Variants in ARHGAP42 observed in about 807,000 individuals in gnomAD.
ARHGAP42 encodes the protein rho GTPase-activating protein 42.
ARHGAP42 carries 63 observed loss-of-function variants against 125.0 expected under a neutral mutation model. That is an observed-to-expected ratio of 0.50 (90% CI 0.41 to 0.62). The LOEUF is 0.62. Among genes scored for constraint, ARHGAP42 ranks in the 20% least tolerant of loss-of-function variants. ARHGAP42 has a pLI of 0.00. For synonymous variants in ARHGAP42, 339 were observed against 351.0 expected (o/e 0.97, Z 0.38); for missense variants, 766 against 1,024.2 (o/e 0.75, Z 3.44).
intron 3 of ARHGAP42, among the ~76,000 whole-genome samples, chr11:100,855,696 A>G (rs192530561): frequency 3.2e-4 from 48 of 152,224 alleles, no homozygotes; most frequent in African/African-American, 1.1e-3. Flanking sequence ...TGAAATAGCA[A>G]AAGAAAGTGA....
At chr11:100,688,301 T>C (rs1861125542) in intron 1 of ARHGAP42, among the ~76,000 whole-genome samples, 1 of 152,188 alleles carries the variant, frequency 6.6e-6, no homozygotes, top group Non-Finnish European at 1.5e-5. Context: ...AGTCATTGAG[T>C]TGGCTTTTTA....
chr11:100,910,247 GA>G (rs1866872506), intron 4 of ARHGAP42, among the ~76,000 whole-genome samples: 1 of 152,046 alleles, frequency 6.6e-6, no homozygotes, highest in South Asian at 2.1e-4. Flanking sequence ...TATCTGCATA[GA>G]CATATAGTAA....
chr11:100,837,804 G>A (rs17095633), intron 3 of ARHGAP42, among the ~76,000 whole-genome samples: 14,887 of 149,564 alleles, frequency 0.1, 1,090 homozygotes, highest in African/African-American at 0.21. Flanking sequence ...GCAGCCAAGG[G>A]TCAGCAGTCA....
chr11:100,874,313 A>T (rs1288990951), intron 4 of ARHGAP42, among the ~76,000 whole-genome samples: 1 of 152,158 alleles, frequency 6.6e-6, no homozygotes, highest in Non-Finnish European at 1.5e-5. Context: ...AACACCTCCC[A>T]CTAGGCCCTG....
intron 1 of ARHGAP42, among the ~76,000 whole-genome samples, chr11:100,697,175 G>C (rs985837419): frequency 6.9e-6 from 1 of 144,076 alleles, no homozygotes; most frequent in African/African-American, 2.6e-5. Flanking sequence ...TTTTTTTGTT[G>C]TTTTGGTTTT....
intron 4 of ARHGAP42, among the ~76,000 whole-genome samples, chr11:100,876,566 A>G (rs1424617547): frequency 6.6e-6 from 1 of 152,226 alleles, no homozygotes; most frequent in Non-Finnish European, 1.5e-5. Flanking sequence ...TTTACTTTAT[A>G]CAAAATCAGC....
chr11:100,776,924 A>T (rs1163228092), intron 2 of ARHGAP42, among the ~76,000 whole-genome samples: 1 of 150,026 alleles, frequency 6.7e-6, no homozygotes, highest in Non-Finnish European at 1.5e-5. Context: ...TGGAGGTTGC[A>T]GTGAACTCAG....
At position 100,834,809 on chromosome 11, in the gene ARHGAP42, C is replaced by A. The variant is rs1010765865; in HGVS notation, c.313-24745C>A. On this transcript the variant is annotated intron_variant, in intron 3 of 23. Transcript: ENST00000298815. The stretch of plus-strand genomic sequence containing the variant: ...ATGAGGCCATAATCCATTATGGGGC[C>A]CCCTTCTGCTTTGGACAGGGAACTT... Among the ~76,000 whole-genome samples the A allele has an allele frequency of 6.7e-5, 10 of 149,356 alleles. No homozygotes were observed. In the South Asian group the frequency reaches 2.1e-3, roughly 32 times the overall value.
chr11:100,987,883 A>C (rs1334952214), intron 23 of ARHGAP42, among the ~76,000 whole-genome samples: 1 of 152,162 alleles, frequency 6.6e-6, no homozygotes, highest in Non-Finnish European at 1.5e-5. Flanking sequence ...TAATCCCAGC[A>C]CTTTGGGAGG....
chr11:100,761,554 G>A (rs777764605), intron 1 of ARHGAP42, among the ~76,000 whole-genome samples: 9 of 152,016 alleles, frequency 5.9e-5, no homozygotes, highest in Non-Finnish European at 1.2e-4. Context: ...TATAGAATCC[G>A]GATAAAATCT....
At chr11:100,802,424 C>CTTTTTT (rs777832011) in intron 3 of ARHGAP42, among the ~76,000 whole-genome samples, 18 of 123,912 alleles carry the variant, frequency 1.5e-4, no homozygotes, top group African/African-American at 3.4e-4. Flanking sequence ...TCCTTTCTTT[C>CTTTTTT]TTTTTTTTTT....
At chr11:100,921,102 G>T (rs1336854512) in intron 5 of ARHGAP42, among the ~76,000 whole-genome samples, 1 of 149,208 alleles carries the variant, frequency 6.7e-6, no homozygotes, top group African/African-American at 2.5e-5. Flanking sequence ...TTTGTCTTAA[G>T]ATTCAACTCA....
chr11:100,734,692 T>TA (rs1373867338), intron 1 of ARHGAP42, among the ~76,000 whole-genome samples: 1 of 152,198 alleles, frequency 6.6e-6, no homozygotes, highest in Non-Finnish European at 1.5e-5. Context: ...GGTTTGTCCC[T>TA]AGTGGCTTCA....
At chr11:100,727,437 C>G (rs1419083788) in intron 1 of ARHGAP42, among the ~76,000 whole-genome samples, 1 of 152,090 alleles carries the variant, frequency 6.6e-6, no homozygotes, top group Non-Finnish European at 1.5e-5. Context: ...ATCGTTTGTT[C>G]TCCTATGATA....
rs978479605 is a variant in ARHGAP42 at position 100,687,560 on chromosome 11, C to G, written c.-119C>G. 3 of 753,058 alleles carry G rather than the reference C, an allele frequency of 4.0e-6. No individual in the cohort carries two copies. Among genetic ancestry groups the G allele is most frequent in the Non-Finnish European group, 5.2e-6 (3 of 579,388 alleles). The allele number at this position is 753,058 out of a possible 1,614,324, so 46.6% of individuals were successfully genotyped here. ...GTTTCCTCCGCGCAATCAGTCCCCT[C>G]GCGTCCCGGCGCCTTCCCCGCGATC... On this transcript the variant is annotated 5_prime_UTR_variant, in exon 1 of 24. Coordinates refer to ENST00000298815, the MANE Select transcript of ARHGAP42 (RefSeq NM_152432.4).
chr11:100,871,141 G>A (rs1183794468), intron 4 of ARHGAP42, among the ~76,000 whole-genome samples: 1 of 152,040 alleles, frequency 6.6e-6, no homozygotes, highest in East Asian at 1.9e-4. Context: ...TAATATACAT[G>A]GAAGTAATTG....
intron 1 of ARHGAP42, among the ~76,000 whole-genome samples, chr11:100,749,547 T>C (rs1254330276): frequency 6.6e-6 from 1 of 152,118 alleles, no homozygotes; most frequent in Non-Finnish European, 1.5e-5. Context: ...CCCTGGAAGG[T>C]TGACCTGTTT....
At chr11:100,963,723 C>G (rs1162522107) in intron 16 of ARHGAP42, among the ~76,000 whole-genome samples, 1 of 152,198 alleles carries the variant, frequency 6.6e-6, no homozygotes, top group Admixed American at 6.5e-5. Context: ...AATATATAAT[C>G]TGACCTCTCA....
intron 6 of ARHGAP42, among the ~76,000 whole-genome samples, chr11:100,922,575 C>A (rs1489901097): frequency 6.6e-6 from 1 of 152,108 alleles, no homozygotes; most frequent in Non-Finnish European, 1.5e-5. Flanking sequence ...CCATTCTTTT[C>A]TTCCTATGTA....
Sources: gnomAD v4.1 joint callset for allele counts (sites outside exome capture counted in the v4.1 genomes callset) on GRCh38, gnomAD v4.1.1 for gene constraint, MANE v1.5 for transcripts, NCBI Gene and HGNC (gene_info 2026-07-23, HGNC 2026-07-21) for gene names.